The following RSU1 variants were observed in gnomAD, a reference collection of about 807,000 sequenced individuals.
The protein encoded by RSU1 is rsu-1.
In RSU1, 26 loss-of-function variants were observed where a neutral mutation model predicts 31.1. The observed-to-expected ratio is 0.84, with a 90% CI of 0.61 to 1.16. The LOEUF is 1.16. Ranked by LOEUF, RSU1 falls within the 50% of genes most tolerant of loss-of-function variation. The pLI is 0.00. For missense variants in RSU1, 320 were observed against 339.1 expected (o/e 0.94, Z 0.44); for synonymous variants, 164 against 136.3 (o/e 1.20, Z -1.41).
intron 8 of RSU1, among the ~76,000 whole-genome samples, chr10:16,630,650 G>T (rs927361857): frequency 6.6e-6 from 1 of 152,194 alleles, no homozygotes; most frequent in Non-Finnish European, 1.5e-5. Flanking sequence ...TTCACACCAT[G>T]ACCCCACGCT....
At chr10:16,785,429 T>TATATATATATACATATATAC (rs1837758067) in intron 2 of RSU1, among the ~76,000 whole-genome samples, 1 of 93,148 alleles carries the variant, frequency 1.1e-5, no homozygotes, top group Non-Finnish European at 1.9e-5. Context: ...CATATATACA[T>TATATATATATACATATATAC]ATATATATAT....
chr10:16,694,127 A>G (rs899033935), intron 8 of RSU1, among the ~76,000 whole-genome samples: 2 of 152,190 alleles, frequency 1.3e-5, no homozygotes, highest in African/African-American at 4.8e-5. Flanking sequence ...ACCTTGACAC[A>G]TGGAGGAAGA....
chr10:16,727,878 T>TG (rs1564334676), intron 7 of RSU1, among the ~76,000 whole-genome samples: 1 of 152,086 alleles, frequency 6.6e-6, no homozygotes, highest in Admixed American at 6.5e-5. Flanking sequence ...TGGGTAGCCG[T>TG]GGGGGGCTAG....
At chr10:16,730,929 T>C (rs1836497693) in intron 7 of RSU1, among the ~76,000 whole-genome samples, 1 of 152,026 alleles carries the variant, frequency 6.6e-6, no homozygotes, top group South Asian at 2.1e-4. Context: ...GTTCAAGCGA[T>C]TCTTGTGCCT....
At chr10:16,641,641 T>C (rs1834444511) in intron 8 of RSU1, among the ~76,000 whole-genome samples, 2 of 152,138 alleles carry the variant, frequency 1.3e-5, no homozygotes, top group Admixed American at 1.3e-4. Context: ...TCTGAAACTC[T>C]CAGGCCAGAT....
intron 3 of RSU1, among the ~76,000 whole-genome samples, chr10:16,765,564 T>A (rs1253713878): frequency 6.6e-6 from 1 of 152,188 alleles, no homozygotes; most frequent in Non-Finnish European, 1.5e-5. Context: ...ATCTTTATCT[T>A]AAAAGCACAA....
chr10:16,674,926 G>A (rs974218516), intron 8 of RSU1, among the ~76,000 whole-genome samples: 10 of 152,074 alleles, frequency 6.6e-5, no homozygotes, highest in Admixed American at 2.0e-4. Flanking sequence ...CCAGCTACTC[G>A]GGAGGCTGAG....
At chr10:16,678,019 T>C (rs1835264965) in intron 8 of RSU1, among the ~76,000 whole-genome samples, 1 of 152,192 alleles carries the variant, frequency 6.6e-6, no homozygotes, top group African/African-American at 2.4e-5. Flanking sequence ...CTTGTCTCAC[T>C]GTAGGAATCC....
intron 3 of RSU1, among the ~76,000 whole-genome samples, chr10:16,768,976 T>C (rs1357104463): frequency 1.3e-5 from 2 of 152,202 alleles, no homozygotes; most frequent in Non-Finnish European, 1.5e-5. Flanking sequence ...TAAAAGGACA[T>C]GTATCTACGG....
At chr10:16,677,244 A>G (rs951772538) in intron 8 of RSU1, among the ~76,000 whole-genome samples, 1 of 152,178 alleles carries the variant, frequency 6.6e-6, no homozygotes, top group Admixed American at 6.6e-5. Context: ...CAGTTGTTTT[A>G]CTTAAACGAT....
At chr10:16,613,475 A>T (rs1419424226) in intron 8 of RSU1, among the ~76,000 whole-genome samples, 1 of 152,208 alleles carries the variant, frequency 6.6e-6, no homozygotes. Flanking sequence ...GTAGGGCTTC[A>T]TCCCATCCCC....
At chr10:16,699,636 T>G (rs1835747976) in intron 7 of RSU1, among the ~76,000 whole-genome samples, 1 of 152,292 alleles carries the variant, frequency 6.6e-6, no homozygotes. Context: ...TCTGGTGGTG[T>G]TCTAACAAGG....
chr10:16,619,832 G>C (rs1172188362), intron 8 of RSU1, among the ~76,000 whole-genome samples: 2 of 152,072 alleles, frequency 1.3e-5, no homozygotes, highest in Non-Finnish European at 2.9e-5. Flanking sequence ...AAATTCACAA[G>C]GGAGTTCAAA....
chr10:16,767,564 A>C (rs1156706523), intron 3 of RSU1: 4 of 152,314 alleles, frequency 2.6e-5, no homozygotes, highest in South Asian at 2.1e-4. Flanking sequence ...GAGGAAAAAA[A>C]AATAATACAC....
chr10:16,734,551 T>C (rs974544954), intron 7 of RSU1, among the ~76,000 whole-genome samples: 2 of 152,266 alleles, frequency 1.3e-5, no homozygotes, highest in Non-Finnish European at 2.9e-5. Context: ...TATGTGAAAA[T>C]ATATATTGGG....
intron 8 of RSU1, among the ~76,000 whole-genome samples, chr10:16,637,486 C>T (rs1834363541): frequency 6.6e-6 from 1 of 151,554 alleles, no homozygotes; most frequent in Non-Finnish European, 1.5e-5. Context: ...CTCATAAACC[C>T]ACTGGAGTTT....
intron 8 of RSU1, among the ~76,000 whole-genome samples, chr10:16,617,319 C>T (rs1833994467): frequency 6.6e-6 from 1 of 152,122 alleles, no homozygotes; most frequent in African/African-American, 2.4e-5. Flanking sequence ...CAAACCACTG[C>T]TCAAGAAAAT....
intron 8 of RSU1, among the ~76,000 whole-genome samples, chr10:16,602,870 T>G (rs943526945): frequency 1.3e-5 from 2 of 152,192 alleles, no homozygotes; most frequent in Non-Finnish European, 2.9e-5. Flanking sequence ...GTGGACAAAG[T>G]GTGAAGCCGA....
intron 2 of RSU1, among the ~76,000 whole-genome samples, chr10:16,794,920 A>G (rs1837996435): frequency 6.6e-6 from 1 of 152,252 alleles, no homozygotes; most frequent in Non-Finnish European, 1.5e-5. Flanking sequence ...CCTGAGAAAA[A>G]TCACTGGATT....
Sources: allele counts gnomAD v4.1 joint callset (sites outside exome capture counted in the v4.1 genomes callset), GRCh38; gene constraint gnomAD v4.1.1; transcripts MANE v1.5; gene names NCBI Gene and HGNC (gene_info 2026-07-23, HGNC 2026-07-21).